P2RX5: variants seen among roughly 807,000 people sequenced by gnomAD.
P2RX5 encodes the protein P2X purinoceptor 5.
P2RX5 carries 46 observed loss-of-function variants against 54.1 expected under a neutral mutation model. That is an observed-to-expected ratio of 0.85 (90% CI 0.67 to 1.09). The LOEUF is 1.09. P2RX5 is among the 50% of genes least tolerant of loss of function. P2RX5 has a pLI of 0.00. For synonymous variants in P2RX5, 226 were observed against 226.4 expected (o/e 1.00, Z 0.02); for missense variants, 566 against 549.8 (o/e 1.03, Z -0.29).
intron 11 of P2RX5, among the ~76,000 whole-genome samples, chr17:3,675,004 A>G (rs551150408): frequency 2.3e-4 from 35 of 152,190 alleles, no homozygotes; most frequent in Non-Finnish European, 2.8e-4. Flanking sequence ...GACTCCATAA[A>G]TATTTCCTGG....
chr17:3,715,165 C>G, the P2RX5 span, among the ~76,000 whole-genome samples: 6 of 152,180 alleles, frequency 3.9e-5, no homozygotes, highest in Non-Finnish European at 7.3e-5. Flanking sequence ...TCCTCTGAAC[C>G]CTGCTCTCCC....
At chr17:3,700,258 G>A (rs2050808967), upstream of P2RX5, among the ~76,000 whole-genome samples, 1 of 152,086 alleles carries the variant, frequency 6.6e-6, no homozygotes, top group Non-Finnish European at 1.5e-5. Context: ...GTCAGGGCCG[G>A]GCAGTGTGGC....
chr17:3,673,775 G>A lies in P2RX5; in HGVS notation c.*93C>T, dbSNP rs2050035691. 7.4e-6 allele frequency: 12 copies of A among 1,611,610 alleles called. No individual in the cohort carries two copies. Among genetic ancestry groups the A allele is most frequent in the Admixed American group, 5.0e-5 (3 of 59,978 alleles). On this transcript the variant is annotated 3_prime_UTR_variant, in exon 12 of 12. Coordinates refer to ENST00000225328, the MANE Select transcript of P2RX5 (RefSeq NM_002561.4). ...ATAGCACCCAATGTACAAATTTCCCGTTGGGCAGCATCCTGGGATTCCCAA... is the reference window on the plus strand; with the variant it reads ...ATAGCACCCAATGTACAAATTTCCCATTGGGCAGCATCCTGGGATTCCCAA...
intron 1 of P2RX5, among the ~76,000 whole-genome samples, chr17:3,693,344 T>G (rs1263675303): frequency 6.6e-6 from 1 of 152,156 alleles, no homozygotes; most frequent in Non-Finnish European, 1.5e-5. Context: ...ATATCACTGA[T>G]AGGGATGTAA....
At chr17:3,689,951 C>T (rs2050562211) in intron 6 of P2RX5, 119 bp downstream of exon 6, 16 of 947,310 alleles carry the variant, frequency 1.7e-5, no homozygotes, top group South Asian at 2.6e-5. Flanking sequence ...CGCGAACACA[C>T]GCACACACGT....
At chr17:3,713,478 C>T in the P2RX5 span, among the ~76,000 whole-genome samples, 80,186 of 151,722 alleles carry the variant, frequency 0.53, 22,037 homozygotes, top group African/African-American at 0.64. Context: ...TTGCCAGGCG[C>T]GGTGGCTCAT....
chr17:3,723,306 G>A, the P2RX5 span: 76 of 1,612,188 alleles, frequency 4.7e-5, no homozygotes, highest in Middle Eastern at 1.7e-4. Flanking sequence ...AGTGATCCCA[G>A]GAGATCTCTG....
At position 3,673,439 on chromosome 17, in the gene P2RX5, C is replaced by T. The variant is rs1567725858; in HGVS notation, c.*429G>A. 2 of 1,085,420 alleles carry T rather than the reference C, an allele frequency of 1.8e-6. No homozygotes were observed. Among genetic ancestry groups the T allele is most frequent in the South Asian group, 2.7e-5 (1 of 36,412 alleles). 67.2% of individuals were successfully genotyped at this position (1,085,420 alleles called of 1,614,324 possible). A position where few individuals can be genotyped will look rare whatever the true frequency, so the allele number is the denominator to read the frequency against. ...GCTCTGAGGGAAGCTGCGGCACTTG[C>T]AGAGGGGAGTGGGCTGGAACCAAAT... On this transcript the variant is annotated 3_prime_UTR_variant, in exon 12 of 12. Coordinates refer to ENST00000225328, the MANE Select transcript of P2RX5 (RefSeq NM_002561.4).
chr17:3,716,056 C>T, the P2RX5 span, among the ~76,000 whole-genome samples: 1 of 151,352 alleles, frequency 6.6e-6, no homozygotes, highest in African/African-American at 2.4e-5. Flanking sequence ...ACTCAGGAGG[C>T]TGAGGCAGGA....
At chr17:3,679,485 C>A in intron 11 of P2RX5, 105 bp downstream of exon 11, 1 of 1,014,358 alleles carries the variant, frequency 9.9e-7, no homozygotes, top group Admixed American at 2.0e-5. Context: ...CAGCTCACAC[C>A]AGAGCAGAGG....
chr17:3,720,259 T>C, the P2RX5 span: 1 of 881,108 alleles, frequency 1.1e-6, no homozygotes, highest in Non-Finnish European at 1.9e-6. Flanking sequence ...GCTCAAAGGT[T>C]AGGCACAATT....
Position 3,691,701 on chromosome 17 carries a change from G to A in P2RX5, c.231C>T (p.Asn77=), listed in dbSNP as rs1010458349. 2 of 1,614,116 alleles carry A rather than the reference G, an allele frequency of 1.2e-6. No individual in the cohort carries two copies. Among genetic ancestry groups the A allele is most frequent in the Non-Finnish European group, 1.7e-6 (2 of 1,180,046 alleles). ...ITKVKGVAFT[N]TSDLGQRIWD... is the part of the protein sequence containing the mutation. ...AGATCCGCTGCCCAAGATCCGAGGT[G>A]TTGGTGAAGGCCACGCCCTTGACTT... Residue 77 remains asparagine, a synonymous_variant, in exon 2 of 12, where the codon AAC becomes AAT. Coordinates refer to ENST00000225328, the MANE Select transcript of P2RX5 (RefSeq NM_002561.4).
intron 10 of P2RX5, among the ~76,000 whole-genome samples, chr17:3,680,497 GTCCTCCACCCTGCA>G (rs1353320439): frequency 5.9e-5 from 2 of 34,022 alleles, no homozygotes; most frequent in Non-Finnish European, 4.7e-5. Flanking sequence ...TCCACCCAGT[GTCCTCCACCCTGCA>G]TCCTCCACCC....
the P2RX5 span, among the ~76,000 whole-genome samples, chr17:3,711,898 C>T: frequency 2.0e-5 from 3 of 151,846 alleles, no homozygotes; most frequent in Admixed American, 6.6e-5. Flanking sequence ...CTAACCATGT[C>T]GCACTTAAAA....
chr17:3,715,137 T>A, the P2RX5 span, among the ~76,000 whole-genome samples: 1 of 152,184 alleles, frequency 6.6e-6, no homozygotes, highest in Non-Finnish European at 1.5e-5. Flanking sequence ...CATCCCTCAA[T>A]CAGAACTGAC....
At position 3,690,642 on chromosome 17, in the gene P2RX5, G is replaced by T. The variant is rs113827107; in HGVS notation, c.399C>A (p.Ser133Arg). 4 of 1,613,400 alleles carry T rather than the reference G, an allele frequency of 2.5e-6. No homozygotes were observed. The highest frequency in any genetic ancestry group is 2.5e-6 in the Non-Finnish European group (3 of 1,180,008). Residue 133 changes from serine (S) to arginine (R), a missense_variant, in exon 4 of 12, where the codon AGC (serine) becomes AGA (arginine). Coordinates refer to ENST00000225328, the MANE Select transcript of P2RX5 (RefSeq NM_002561.4). ...TAACCGCTTCCCCAGCGTGGCAGTC[G>T]CTGTCCTTGGAGCACGCGCCATCAG... ...GIPDGACSKD[S>R]DCHAGEAVTA...
At chr17:3,676,295 C>A (rs1008698935) in intron 11 of P2RX5, 1 of 985,266 alleles carries the variant, frequency 1.0e-6, no homozygotes, top group Non-Finnish European at 1.2e-6. Flanking sequence ...GAGACTGGGT[C>A]TTAAGCGCCA....
At chr17:3,698,662 C>G (rs2050795986), upstream of P2RX5, among the ~76,000 whole-genome samples, 1 of 152,198 alleles carries the variant, frequency 6.6e-6, no homozygotes, top group Admixed American at 6.5e-5. Flanking sequence ...GAGAAGGGCT[C>G]TGCTCTGACT....
At chr17:3,699,102 T>TAA (rs1567744048), upstream of P2RX5, among the ~76,000 whole-genome samples, 2 of 103,874 alleles carry the variant, frequency 1.9e-5, no homozygotes, top group East Asian at 5.1e-4. Context: ...CACCTATATA[T>TAA]ATAACTAGCC....
Sources: allele counts gnomAD v4.1 joint callset (sites outside exome capture counted in the v4.1 genomes callset), GRCh38; gene constraint gnomAD v4.1.1; transcripts MANE v1.5; gene names NCBI Gene and HGNC (gene_info 2026-07-23, HGNC 2026-07-21).